KLHL1: variants seen among roughly 807,000 people sequenced by gnomAD.
The protein encoded by KLHL1 is kelch like family member 1, also known as kelch-like protein 1.
In KLHL1, 47 loss-of-function variants were observed where a neutral mutation model predicts 77.7. The observed-to-expected ratio is 0.60, with a 90% CI of 0.48 to 0.77. The LOEUF is 0.77. Among genes scored for constraint, KLHL1 ranks in the 30% least tolerant of loss-of-function variants. The pLI, the probability that KLHL1 is intolerant of heterozygous loss-of-function variation, is 0.00. For missense variants in KLHL1, 925 were observed against 910.8 expected, an observed-to-expected ratio of 1.02 and a Z score of -0.20; for synonymous variants, 360 against 325.2, an observed-to-expected ratio of 1.11 and a Z score of -1.15.
intron 2 of KLHL1, among the ~76,000 whole-genome samples, chr13:69,966,332 C>T (rs1047638059): frequency 1.3e-5 from 2 of 152,062 alleles, no homozygotes; most frequent in South Asian, 2.1e-4. Flanking sequence ...TTAAGAATTA[C>T]GCTAATTCTA....
chr13:69,894,783 G>A (rs1322782835), intron 4 of KLHL1: 1 of 233,466 alleles, frequency 4.3e-6, no homozygotes, highest in Non-Finnish European at 8.5e-6. Context: ...GTGAGAGGAA[G>A]CTCCACAAAT....
At chr13:69,945,104 G>C (rs1566430832) in intron 3 of KLHL1, among the ~76,000 whole-genome samples, 1 of 143,836 alleles carries the variant, frequency 7.0e-6, no homozygotes, top group Non-Finnish European at 1.5e-5. Context: ...TCCTGCCTCA[G>C]CCTCCCAGGT....
chr13:69,780,713 T>TATATATATATATATAC (rs1566243678), intron 7 of KLHL1, among the ~76,000 whole-genome samples: 4 of 32,952 alleles, frequency 1.2e-4, no homozygotes, highest in Non-Finnish European at 2.1e-4. Context: ...TATATATATA[T>TATATATATATATATAC]ATGTATATAT....
intron 5 of KLHL1, 50 bp downstream of exon 5, chr13:69,882,233 A>G (rs770179340): frequency 8.1e-7 from 1 of 1,240,562 alleles, no homozygotes; most frequent in South Asian, 1.3e-5. Context: ...CTTTTAATAT[A>G]GGGTTTTTCA....
chr13:70,052,463 C>A (rs1378724372), intron 1 of KLHL1, among the ~76,000 whole-genome samples: 2 of 151,344 alleles, frequency 1.3e-5, no homozygotes, highest in African/African-American at 4.9e-5. Flanking sequence ...TTAAAAAAAA[C>A]CCTTATATAT....
At chr13:69,957,523 C>T (rs920658961) in intron 3 of KLHL1, among the ~76,000 whole-genome samples, 5 of 151,688 alleles carry the variant, frequency 3.3e-5, no homozygotes. Context: ...CCATTGTAAG[C>T]TAAGGAGCAT....
chr13:69,827,729 CAAAAAAA>C (rs58504097), intron 6 of KLHL1, among the ~76,000 whole-genome samples: 3 of 73,032 alleles, frequency 4.1e-5, no homozygotes, highest in East Asian at 1.1e-3. Context: ...GACCCTGTCT[CAAAAAAA>C]AAAAAAAAAA....
chr13:69,809,760 T>TA (rs1306232904), intron 6 of KLHL1, among the ~76,000 whole-genome samples: 1 of 151,638 alleles, frequency 6.6e-6, no homozygotes, highest in African/African-American at 2.4e-5. Context: ...TAAATTGGAT[T>TA]AAAAAAACAA....
At chr13:70,024,948 C>A (rs1310416479) in intron 1 of KLHL1, among the ~76,000 whole-genome samples, 1 of 151,910 alleles carries the variant, frequency 6.6e-6, no homozygotes, top group Non-Finnish European at 1.5e-5. Flanking sequence ...ATAGCTAACC[C>A]TTTATAAGCT....
intron 4 of KLHL1, among the ~76,000 whole-genome samples, chr13:69,883,424 G>A (rs942115335): frequency 2.6e-5 from 4 of 152,118 alleles, no homozygotes; most frequent in Admixed American, 1.3e-4. Context: ...AAGATTCAAT[G>A]CAAGACTTAC....
chr13:69,774,501 T>A (rs1875728772), intron 7 of KLHL1, among the ~76,000 whole-genome samples: 1 of 152,018 alleles, frequency 6.6e-6, no homozygotes, highest in Admixed American at 6.6e-5. Flanking sequence ...TCTTCTCAGG[T>A]GTGAAAAATG....
intron 8 of KLHL1, among the ~76,000 whole-genome samples, chr13:69,722,419 A>C (rs1263431903): frequency 6.6e-6 from 1 of 151,998 alleles, no homozygotes; most frequent in Admixed American, 6.6e-5. Context: ...AGAAATATGA[A>C]ATCTGAACAG....
intron 7 of KLHL1, 118 bp downstream of exon 7, chr13:69,796,620 G>A (rs1877117431): frequency 2.6e-6 from 2 of 757,034 alleles, no homozygotes; most frequent in East Asian, 2.7e-5. Flanking sequence ...CCCAGGTTCA[G>A]GTATTCCTTT....
chr13:69,991,700 A>G (rs945207195), intron 1 of KLHL1, among the ~76,000 whole-genome samples: 1 of 151,830 alleles, frequency 6.6e-6, no homozygotes, highest in African/African-American at 2.4e-5. Flanking sequence ...CTGGGACCAG[A>G]TGGATTCACA....
At chr13:69,920,651 T>G (rs950734755) in intron 4 of KLHL1, among the ~76,000 whole-genome samples, 1 of 152,038 alleles carries the variant, frequency 6.6e-6, no homozygotes, top group Non-Finnish European at 1.5e-5. Flanking sequence ...TATGGCAGCC[T>G]GGAAATCTTT....
intron 3 of KLHL1, among the ~76,000 whole-genome samples, chr13:69,949,120 T>A (rs941258820): frequency 9.9e-5 from 15 of 151,966 alleles, no homozygotes; most frequent in African/African-American, 3.6e-4. Context: ...TACATTCGTA[T>A]GATATACGTG....
At chr13:69,735,714 A>C (rs976196536) in intron 8 of KLHL1, among the ~76,000 whole-genome samples, 2 of 151,620 alleles carry the variant, frequency 1.3e-5, no homozygotes, top group Non-Finnish European at 3.0e-5. Context: ...TCTCAGAAGA[A>C]AATATTAATA....
chr13:69,818,466 A>G (rs1878211095), intron 6 of KLHL1, among the ~76,000 whole-genome samples: 1 of 151,526 alleles, frequency 6.6e-6, no homozygotes, highest in South Asian at 2.1e-4. Context: ...TGATCCACCC[A>G]CCTCGGCCTC....
intron 5 of KLHL1, among the ~76,000 whole-genome samples, chr13:69,881,131 T>A (rs1255217654): frequency 6.6e-6 from 1 of 152,204 alleles, no homozygotes; most frequent in Non-Finnish European, 1.5e-5. Flanking sequence ...TGTGCTCACA[T>A]AATTTGAATT....
Sources: gnomAD v4.1 joint callset for allele counts (sites outside exome capture counted in the v4.1 genomes callset) on GRCh38, gnomAD v4.1.1 for gene constraint, MANE v1.5 for transcripts, NCBI Gene and HGNC (gene_info 2026-07-23, HGNC 2026-07-21) for gene names.